The following DOCK6 variants were observed in gnomAD, a reference collection of about 807,000 sequenced individuals.
DOCK6 encodes dedicator of cytokinesis protein 6.
A neutral mutation model predicts 230.3 loss-of-function variants in DOCK6; 167 were observed. The observed-to-expected ratio is 0.73, with a 90% confidence interval of 0.64 to 0.82. The LOEUF (loss-of-function observed/expected upper bound fraction) is 0.82. Ranked by LOEUF, DOCK6 falls within the 40% of genes least tolerant of loss-of-function variation. The pLI is 0.00. For missense variants in DOCK6, 2,598 were observed against 2,825.8 expected (o/e 0.92, Z 1.83); for synonymous variants, 1,148 against 1,185.0 (o/e 0.97, Z 0.64).
rs2080130856 is a variant in DOCK6, at chr19:11,252,353, G to A, written c.378-105C>T. 7 of 1,577,794 alleles carry A rather than the reference G, an allele frequency of 4.4e-6. No individual in the cohort carries two copies. The South Asian group carries it at 5.7e-5, about 13-fold the overall frequency. On this transcript the variant is annotated intron_variant, in intron 4 of 47. Transcript: ENST00000294618. ...TGGCACCTTCAAAGCCACCGTCCTT[G>A]TGCTCCACCAGACAAGTTTGCCTGC... is the stretch of plus-strand genomic sequence containing the variant.
intron 37 of DOCK6, 147 bp from the exon 38 acceptor site, chr19:11,209,250 C>T (rs2079321017): frequency 2.2e-6 from 2 of 911,328 alleles, no homozygotes; most frequent in Admixed American, 2.4e-5. Flanking sequence ...TCCCCTCACT[C>T]ATTCCCTCAC....
chr19:11,240,401 T>C, intron 14 of DOCK6: 1 of 1,200,068 alleles, frequency 8.3e-7, no homozygotes, highest in Non-Finnish European at 1.1e-6. Context: ...CTCCCAGCTC[T>C]GTGGCCTCTA....
At chr19:11,232,314 G>C (rs759726211) in intron 22 of DOCK6, 34 of 1,287,396 alleles carry the variant, frequency 2.6e-5, no homozygotes, top group Non-Finnish European at 3.4e-5. Flanking sequence ...AGAAGTGGTA[G>C]CATCCCCAGT....
rs1183261819 is a variant in DOCK6, at chr19:11,238,022, T to C, written c.1832+23A>G. Reference sequence around the variant, plus strand: ...CCTACCCCCATGAGTGCCCCCAAGTTCCTCACGTGTCCCCCTACATACTTG... The same window carrying C: ...CCTACCCCCATGAGTGCCCCCAAGTCCCTCACGTGTCCCCCTACATACTTG... On this transcript the variant is annotated intron_variant, in intron 16 of 47. Transcript: ENST00000294618. 3 of 1,613,060 alleles carry C rather than the reference T, an allele frequency of 1.9e-6. No homozygotes were observed. In the South Asian group the frequency reaches 3.3e-5, roughly 18 times the overall value.
In DOCK6 at chr19:11,262,432, G is replaced by T; in HGVS notation, c.9C>A (p.Ala3=). Reference sequence around the variant, plus strand: ...TGTGCGCGAAGGCGCGGCGCTCGGAGGCAGCCATGGTCCTCGCGTCCCGCC... The same window carrying T: ...TGTGCGCGAAGGCGCGGCGCTCGGATGCAGCCATGGTCCTCGCGTCCCGCC... The part of the protein sequence containing the change: MA[A]SERRAFAHKI... The change falls in exon 1 of 48, where the codon GCC becomes GCA. Residue 3 remains alanine, a synonymous_variant. Coordinates refer to ENST00000294618, the MANE Select transcript of DOCK6 (RefSeq NM_020812.4). 3 of 1,249,236 alleles carry T rather than the reference G, an allele frequency of 2.4e-6. No individual in the cohort carries two copies. The highest frequency in any genetic ancestry group is 3.0e-6 in the Non-Finnish European group (3 of 996,134). 77.4% of individuals were successfully genotyped at this position (1,249,236 alleles called of 1,614,324 possible).
chr19:11,205,594 C>T (rs766578340), intron 39 of DOCK6, among the ~76,000 whole-genome samples: 15 of 152,282 alleles, frequency 9.9e-5, no homozygotes, highest in African/African-American at 2.2e-4. Flanking sequence ...CTACCCACCT[C>T]GACCTCTCAA....
At position 11,208,928 on chromosome 19, in the gene DOCK6, C is replaced by T; in HGVS notation, c.4927G>A (p.Gly1643Ser). Residue 1643 changes from glycine (G) to serine (S), a missense_variant, in exon 38 of 48, where the codon GGC (glycine) becomes AGC (serine). By Grantham distance (56) the Gly-to-Ser change is moderately conservative (BLOSUM62 0). Coordinates refer to ENST00000294618, the MANE Select transcript of DOCK6 (RefSeq NM_020812.4). ...LLEDHRHLPV[G>S]CVSFQNISSN... The stretch of plus-strand genomic sequence containing the variant: ...CCACTCACCTGGAAGGAAACGCAGC[C>T]CACGGGCAGGTGGCGGTGGTCCTCG... The T allele has an allele frequency of 6.3e-7, 1 of 1,597,116 alleles. No homozygotes were observed. Among genetic ancestry groups the T allele is most frequent in the Non-Finnish European group, 8.6e-7 (1 of 1,166,704 alleles).
In DOCK6 at chr19:11,242,545, C is replaced by T. The variant is rs188076777; in HGVS notation, c.1481-338G>A. On this transcript the variant is annotated intron_variant, in intron 13 of 47. Coordinates refer to ENST00000294618, the MANE Select transcript of DOCK6 (RefSeq NM_020812.4). Reference sequence around the variant, plus strand: ...TAGCTGGGATTACAGGTGTGTGCCACCACACCTGGTGAATTTTTGTATTTT... The same window carrying T: ...TAGCTGGGATTACAGGTGTGTGCCATCACACCTGGTGAATTTTTGTATTTT... Among the ~76,000 whole-genome samples, 689 of 152,108 alleles carry T rather than the reference C, an allele frequency of 4.5e-3. 4 individuals are homozygous for T. Among genetic ancestry groups the T allele is most frequent in the African/African-American group, 0.016 (664 of 41,472 alleles).
In DOCK6 at chr19:11,233,327, C is replaced by A. The variant is rs199922090; in HGVS notation, c.2594G>T (p.Arg865Leu). Residue 865 changes from arginine to leucine, a missense_variant, in exon 22 of 48, where the codon CGT (arginine) becomes CTT (leucine). Arg to Leu is a moderately radical substitution (Grantham distance 102, BLOSUM62 -2). Coordinates refer to ENST00000294618, the MANE Select transcript of DOCK6 (RefSeq NM_020812.4). ...GAGGCTTGCGGGGCGACCAGAGCCA[C>A]GGGCCAGTGTGGCAGCCTGCACTGT... is the stretch of plus-strand genomic sequence containing the variant. ...PVTVQAATLA[R>L]GSGRPASLYL... 3 of 1,613,812 alleles carry A rather than the reference C, an allele frequency of 1.9e-6. No individual in the cohort carries two copies. In the South Asian group the frequency reaches 3.3e-5, roughly 18 times the overall value.
rs765441341 is a variant in DOCK6 at position 11,252,828 on chromosome 19, T to C, written c.263A>G (p.Gln88Arg). 33 of 1,613,394 alleles carry C rather than the reference T, an allele frequency of 2.0e-5. No homozygotes were observed. In the South Asian group the frequency reaches 3.6e-4, roughly 18 times the overall value. Residue 88 changes from glutamine to arginine, a missense_variant, in exon 3 of 48, where the codon CAG becomes CGG. By Grantham distance (43) the Gln-to-Arg change is conservative. Coordinates refer to ENST00000294618, the MANE Select transcript of DOCK6 (RefSeq NM_020812.4). ...CTCCGTGGTCCGGCATTCCCGGGGC[T>C]GCAGCAGCAGCTCCAAGTCATCAGC... ...FPADDLELLL[Q>R]PRECRTTEPG...
chr19:11,201,061 TA>T lies in DOCK6; in HGVS notation c.5689-10del. On this transcript the variant is annotated splice_polypyrimidine_tract_variant and intron_variant, in intron 44 of 47. Coordinates refer to ENST00000294618, the MANE Select transcript of DOCK6 (RefSeq NM_020812.4). This position sits in a 1 kb window ranked among gnomAD's most constrained non-coding sequence, Gnocchi z 4.3. Reference sequence around the variant, plus strand: ...ACTGGCGTCAGCACCGTCTGTGGGGTAAGGGGAGGGGTGTGTACTCGCTGGG... The same window carrying T: ...ACTGGCGTCAGCACCGTCTGTGGGGTAGGGGAGGGGTGTGTACTCGCTGGG... 6.2e-7 allele frequency: 1 copy of T among 1,612,768 alleles called. No homozygotes were observed. Among genetic ancestry groups the T allele is most frequent in the East Asian group, 2.2e-5 (1 of 44,868 alleles).
intron 1 of DOCK6, among the ~76,000 whole-genome samples, chr19:11,261,904 G>T (rs1490711632): frequency 6.6e-6 from 1 of 152,052 alleles, no homozygotes; most frequent in Non-Finnish European, 1.5e-5. Context: ...AACTCCTCGA[G>T]GGGTTTCAAA....
rs2147875839 is a variant in DOCK6, at chr19:11,251,902, AG to A, written c.507+216del. ...GGGTGTAATGGCTGCCCTGACTCCT[AG>A]GATGAAAGCAGAGGACACATATGAA... On this transcript the variant is annotated intron_variant, in intron 5 of 47. Coordinates refer to ENST00000294618, the MANE Select transcript of DOCK6 (RefSeq NM_020812.4). 4.7e-6 allele frequency: 3 copies of A among 638,440 alleles called. No homozygotes were observed. In the East Asian group the frequency reaches 9.1e-5, roughly 19 times the overall value. The allele number at this position is 638,440 out of a possible 1,614,324, so 39.5% of individuals were successfully genotyped here.
At position 11,242,032 on chromosome 19, in the gene DOCK6, CCA is replaced by C. The variant is rs901710741; in HGVS notation, c.1643+11_1643+12del. Reference sequence around the variant, plus strand: ...TCCCATTCAAGTGCCCAGCTGGGCCCCAGAGGCCGTACCTGTAGCTGGTATGG... The same window carrying C: ...TCCCATTCAAGTGCCCAGCTGGGCCCGAGGCCGTACCTGTAGCTGGTATGG... On this transcript the variant is annotated intron_variant, in intron 14 of 47. Coordinates refer to ENST00000294618, the MANE Select transcript of DOCK6 (RefSeq NM_020812.4). 3 of 1,564,536 alleles carry C rather than the reference CCA, an allele frequency of 1.9e-6. No homozygotes were observed. In the African/African-American group the frequency reaches 4.2e-5, roughly 22 times the overall value.
intron 47 of DOCK6, among the ~76,000 whole-genome samples, chr19:11,199,758 T>G (rs1200593722): frequency 1.3e-5 from 2 of 152,228 alleles, no homozygotes; most frequent in African/African-American, 4.8e-5. Context: ...AAACTGAGGC[T>G]CAGAAAGATG....
rs1272133799 is a variant in DOCK6, at chr19:11,243,527, GC to G, written c.1258+29del. On this transcript the variant is annotated intron_variant, in intron 11 of 47. Transcript: ENST00000294618. The surrounding 1 kb of genome is among the most constrained non-coding windows in gnomAD (Gnocchi z 6.3). Reference sequence around the variant, plus strand: ...CCTGTCAGCACCACCCTTTAGCCCCGCCCCAAGCCTGTTAGCCCCGCCTCCT... The same window carrying G: ...CCTGTCAGCACCACCCTTTAGCCCCGCCCAAGCCTGTTAGCCCCGCCTCCT... 2.6e-6 allele frequency: 4 copies of G among 1,518,856 alleles called. No individual in the cohort carries two copies. The South Asian group carries it at 3.5e-5, about 13-fold the overall frequency. The allele number at this position is 1,518,856 out of a possible 1,614,324, so 94.1% of individuals were successfully genotyped here. A position where few individuals can be genotyped will look rare whatever the true frequency, so the allele number is the denominator to read the frequency against.
chr19:11,203,982 G>A, intron 41 of DOCK6, 99 bp downstream of exon 41: 3 of 1,486,812 alleles, frequency 2.0e-6, no homozygotes, highest in East Asian at 2.5e-5. Context: ...AGGGCCAGCG[G>A]CCATGCTCCT....
At position 11,202,783 on chromosome 19, in the gene DOCK6, C is replaced by T; in HGVS notation, c.5236-74G>A. 4 of 1,602,420 alleles carry T rather than the reference C, an allele frequency of 2.5e-6. No individual in the cohort carries two copies. The highest frequency in any genetic ancestry group is 2.2e-5 in the South Asian group (2 of 90,488). The stretch of plus-strand genomic sequence containing the variant: ...GTCTCCCTGCCCCAGAGATAGGTGT[C>T]TCGAATATCAGGATGGGAGTGTGAG... On this transcript the variant is annotated intron_variant, in intron 41 of 47. Coordinates refer to ENST00000294618, the MANE Select transcript of DOCK6 (RefSeq NM_020812.4). This position sits in a 1 kb window ranked among gnomAD's most constrained non-coding sequence, Gnocchi z 5.3.
intron 6 of DOCK6, among the ~76,000 whole-genome samples, chr19:11,249,479 C>T (rs2080083997): frequency 6.6e-6 from 1 of 151,630 alleles, no homozygotes; most frequent in East Asian, 1.9e-4. Context: ...CCACTGCACT[C>T]CAGCCTGGGT....
Sources: gnomAD v4.1 joint callset for allele counts (sites outside exome capture counted in the v4.1 genomes callset) on GRCh38, gnomAD v4.1.1 for gene constraint, Gnocchi (gnomAD v3.1) non-coding constraint, MANE v1.5 for transcripts, NCBI Gene and HGNC (gene_info 2026-07-23, HGNC 2026-07-21) for gene names.